Variants in PCNX1 observed in about 807,000 individuals in gnomAD.
PCNX1 encodes the protein pecanex-like protein 1.
In PCNX1, 78 loss-of-function variants were observed where a neutral mutation model predicts 242.2. The ratio of observed to expected loss-of-function variants is 0.32; its 90% CI spans 0.27 to 0.39. The LOEUF (loss-of-function observed/expected upper bound fraction) is 0.39, where lower values mean the gene tolerates loss of function less well. Among genes scored for constraint, PCNX1 ranks in the 10% least tolerant of loss-of-function variants. The pLI, the probability that PCNX1 is intolerant of heterozygous loss-of-function variation, is 1.00. For missense variants in PCNX1, 2,581 were observed against 2,856.5 expected (o/e 0.90, Z 2.20); for synonymous variants, 1,024 against 1,032.9 (o/e 0.99, Z 0.17).
intron 11 of PCNX1, among the ~76,000 whole-genome samples, chr14:71,016,371 G>A (rs1407052955): frequency 6.6e-6 from 1 of 152,160 alleles, no homozygotes; most frequent in Admixed American, 6.5e-5. Context: ...AGGATGTTGT[G>A]AACTTGAACA....
chr14:71,108,842 G>C lies in PCNX1; in HGVS notation c.6540G>C (p.Gln2180His), dbSNP rs1375187879. ...TGAACCAAATGGAACCCTCAGGTCA[G>C]AGCGGCCTGGCCTGTGTGCAGCACG... The part of the protein sequence containing the change: ...SMVNQMEPSG[Q>H]SGLACVQHGL... The change falls in exon 34 of 36, where the codon CAG (glutamine) becomes CAC (histidine). Residue 2180 changes from glutamine to histidine, a missense_variant. This residue lies in a region of PCNX1 where 432 missense variants were observed against 433.6 expected (regional missense o/e 1.00). Coordinates refer to ENST00000304743, the MANE Select transcript of PCNX1 (RefSeq NM_014982.3). The C allele has an allele frequency of 1.2e-6, 2 of 1,614,234 alleles. No homozygotes were observed. Among genetic ancestry groups the C allele is most frequent in the Admixed American group, 1.7e-5 (1 of 60,024 alleles).
At chr14:70,914,357 AAGC>A (rs1272758228) in intron 1 of PCNX1, among the ~76,000 whole-genome samples, 1 of 152,180 alleles carries the variant, frequency 6.6e-6, no homozygotes, top group Non-Finnish European at 1.5e-5. Flanking sequence ...ACCTCCAAGA[AAGC>A]AGCCATATTT....
Position 71,026,146 on chromosome 14 carries a change from A to G in PCNX1, c.3213A>G (p.Arg1071=), listed in dbSNP as rs966016960. The G allele has an allele frequency of 1.9e-6, 3 of 1,608,432 alleles. No individual in the cohort carries two copies. The highest frequency in any genetic ancestry group is 2.5e-6 in the Non-Finnish European group (3 of 1,176,938). Residue 1071 remains arginine (R), a synonymous_variant, in exon 14 of 36, where the codon AGA becomes AGG. Coordinates refer to ENST00000304743, the MANE Select transcript of PCNX1 (RefSeq NM_014982.3). ...ATAATCGTATCATTGCCTACAGTAG[A>G]CCAGTTTATTTCTGCATATGTTGCG... is the stretch of plus-strand genomic sequence containing the variant. ...HGHNRIIAYS[R]PVYFCICCGL... is the part of the protein sequence containing the mutation.
chr14:70,982,382 G>A (rs2058863847), intron 6 of PCNX1, among the ~76,000 whole-genome samples: 1 of 152,184 alleles, frequency 6.6e-6, no homozygotes. Flanking sequence ...TAAAAGAGAA[G>A]CTGTAATAAC....
intron 13 of PCNX1, 53 bp from the exon 14 acceptor site, chr14:71,026,064 A>G (rs2140863212): frequency 1.7e-6 from 2 of 1,207,942 alleles, no homozygotes; most frequent in Non-Finnish European, 2.3e-6. Flanking sequence ...ACCAGTAGTT[A>G]TTTGTGACTC....
chr14:71,090,305 T>C (rs1267041837), intron 30 of PCNX1, among the ~76,000 whole-genome samples: 1 of 152,230 alleles, frequency 6.6e-6, no homozygotes, highest in Non-Finnish European at 1.5e-5. Context: ...TCCATTCCAC[T>C]GGACAGTAGT....
intron 28 of PCNX1, among the ~76,000 whole-genome samples, chr14:71,079,118 T>C (rs1266609257): frequency 1.3e-5 from 2 of 152,194 alleles, no homozygotes; most frequent in African/African-American, 4.8e-5. Flanking sequence ...TCTGTCCCTG[T>C]GTTAGTTTGC....
intron 25 of PCNX1, 57 bp downstream of exon 25, chr14:71,055,619 A>G: frequency 9.9e-7 from 1 of 1,012,634 alleles, no homozygotes; most frequent in Non-Finnish European, 1.5e-6. Flanking sequence ...TTATATATAT[A>G]TGTTTATATT....
At chr14:70,960,618 G>T (rs1212448518) in intron 2 of PCNX1, among the ~76,000 whole-genome samples, 1 of 151,964 alleles carries the variant, frequency 6.6e-6, no homozygotes, top group Non-Finnish European at 1.5e-5. Flanking sequence ...AGACAGGGAT[G>T]CCCTCTCACC....
intron 9 of PCNX1, 136 bp downstream of exon 9, chr14:71,009,860 TAAA>T (rs768453227): frequency 4.3e-6 from 2 of 463,790 alleles, no homozygotes; most frequent in Non-Finnish European, 7.6e-6. Context: ...ATAAAAATCA[TAAA>T]TATTTATGGC....
intron 1 of PCNX1, among the ~76,000 whole-genome samples, chr14:70,912,582 T>G (rs1199731814): frequency 6.6e-6 from 1 of 151,862 alleles, no homozygotes; most frequent in Non-Finnish European, 1.5e-5. Context: ...CACTCTGTCA[T>G]GTTAGTTAAT....
At position 70,988,552 on chromosome 14, in the gene PCNX1, T is replaced by G; in HGVS notation, c.2312-15T>G. Reference sequence around the variant, plus strand: ...GACCTAGGCTCTTGTTTGACCTAAGTCTGTCTTGATGCAGCAGCACAAGCC... The same window carrying G: ...GACCTAGGCTCTTGTTTGACCTAAGGCTGTCTTGATGCAGCAGCACAAGCC... On this transcript the variant is annotated splice_polypyrimidine_tract_variant and intron_variant, in intron 6 of 35. Coordinates refer to ENST00000304743, the MANE Select transcript of PCNX1 (RefSeq NM_014982.3). 1 of 1,612,700 alleles carries G rather than the reference T, an allele frequency of 6.2e-7. No individual in the cohort carries two copies. Among genetic ancestry groups the G allele is most frequent in the Non-Finnish European group, 8.5e-7 (1 of 1,178,868 alleles).
At chr14:71,021,277 G>C (rs1197919742) in intron 12 of PCNX1, among the ~76,000 whole-genome samples, 5 of 152,138 alleles carry the variant, frequency 3.3e-5, no homozygotes, top group Non-Finnish European at 5.9e-5. Flanking sequence ...ATTTAAAGTA[G>C]TTTTTTCTAA....
intron 1 of PCNX1, among the ~76,000 whole-genome samples, chr14:70,934,154 T>C (rs2056909625): frequency 6.6e-6 from 1 of 152,238 alleles, no homozygotes; most frequent in Admixed American, 6.5e-5. Flanking sequence ...GGTATGACCA[T>C]TTCTGTGATG....
chr14:70,986,167 A>T (rs564030393), intron 6 of PCNX1, among the ~76,000 whole-genome samples: 2 of 152,244 alleles, frequency 1.3e-5, no homozygotes, highest in South Asian at 2.1e-4. Flanking sequence ...AATCTTACAT[A>T]CTGTGACCAT....
chr14:70,908,853 C>G (rs970443043), intron 1 of PCNX1, among the ~76,000 whole-genome samples: 3 of 152,168 alleles, frequency 2.0e-5, no homozygotes, highest in Non-Finnish European at 2.9e-5. Flanking sequence ...TCTGAATCAT[C>G]TGTGTTTTTA....
chr14:71,090,162 G>A (rs1248650306), intron 30 of PCNX1, among the ~76,000 whole-genome samples: 1 of 152,116 alleles, frequency 6.6e-6, no homozygotes, highest in Non-Finnish European at 1.5e-5. Context: ...AATAATAGGT[G>A]GTTAGGACAG....
rs1356856166 is a variant in PCNX1 at position 71,112,449 on chromosome 14, A to AGAGTC, written c.*2515_*2519dup. The AGAGTC allele has an allele frequency of 6.6e-6, 1 of 152,110 alleles. No individual in the cohort carries two copies. The highest frequency in any genetic ancestry group is 1.5e-5 in the Non-Finnish European group (1 of 67,936). The allele number at this position is 152,110 out of a possible 1,614,324, so 9.4% of individuals were successfully genotyped here. ...AGAAGAAGCCCTGTTGTTTTTCTTA[A>AGAGTC]GAGTCTAAAACTGACAATCTTTTAA... On this transcript the variant is annotated 3_prime_UTR_variant, in exon 36 of 36. Coordinates refer to ENST00000304743, the MANE Select transcript of PCNX1 (RefSeq NM_014982.3).
rs554645989 is a variant in PCNX1 at position 70,939,423 on chromosome 14, T to A, written c.154-7492T>A. ...TCATTCAGGAGCAGGTTGTACAGTT[T>A]CCATGTAGTTGAGTGGTTTTGAGTG... On this transcript the variant is annotated intron_variant, in intron 1 of 35. Transcript: ENST00000304743. 2.0e-5 allele frequency among the ~76,000 whole-genome samples: 3 copies of A among 152,366 alleles called. No homozygotes were observed. In the South Asian group the frequency reaches 6.2e-4, roughly 32 times the overall value.
Sources: gnomAD v4.1 joint callset for allele counts (sites outside exome capture counted in the v4.1 genomes callset) on GRCh38, gnomAD v4.1.1 for gene constraint, gnomAD v4.1.1 regional missense constraint, MANE v1.5 for transcripts, NCBI Gene and HGNC (gene_info 2026-07-23, HGNC 2026-07-21) for gene names.